Variants in CDH11 observed in about 807,000 individuals in gnomAD.
The protein encoded by CDH11 is cadherin-11.
In CDH11, 11 loss-of-function variants were observed where a neutral mutation model predicts 67.8. The observed-to-expected ratio is 0.16, with a 90% CI of 0.10 to 0.27. The LOEUF (loss-of-function observed/expected upper bound fraction) is 0.27, where lower values mean the gene tolerates loss of function less well. Among genes scored for constraint, CDH11 ranks in the 10% least tolerant of loss-of-function variants. The pLI is 1.00. For synonymous variants in CDH11, 419 were observed against 400.0 expected, an observed-to-expected ratio of 1.05 and a Z score of -0.57; for missense variants, 847 against 1,031.2, an observed-to-expected ratio of 0.82 and a Z score of 2.45.
At chr16:65,008,222 C>T (rs548236724) in intron 2 of CDH11, among the ~76,000 whole-genome samples, 1 of 152,316 alleles carries the variant, frequency 6.6e-6, no homozygotes, top group Admixed American at 6.5e-5. Context: ...TAGCTTAATA[C>T]TAATGAATTT....
intron 11 of CDH11, among the ~76,000 whole-genome samples, chr16:64,956,971 A>G (rs1240154318): frequency 1.3e-5 from 2 of 152,118 alleles, no homozygotes; most frequent in African/African-American, 4.8e-5. Context: ...TGCATTAGCC[A>G]AAAAAATAAA....
At chr16:64,970,326 T>A (rs147291722) in intron 11 of CDH11, among the ~76,000 whole-genome samples, 44 of 152,236 alleles carry the variant, frequency 2.9e-4, no homozygotes, top group African/African-American at 1.0e-3. Flanking sequence ...CCAAGCAGCA[T>A]GGGGAGCGCC....
chr16:64,945,534 T>C lies in CDH11; in HGVS notation c.*2069A>G, dbSNP rs957987104. On this transcript the variant is annotated 3_prime_UTR_variant, in exon 13 of 13. Transcript: ENST00000268603. ...AGTTATTTCTTCATTGCAAATTCAA[T>C]TGGAGATCTGTGCAAATCTAGCAAA... The C allele has an allele frequency of 1.9e-6, 2 of 1,032,110 alleles. No homozygotes were observed. The highest frequency in any genetic ancestry group is 4.6e-5 in the South Asian group (1 of 21,702). The allele number at this position is 1,032,110 out of a possible 1,614,324, so 63.9% of individuals were successfully genotyped here. A position where few individuals can be genotyped will look rare whatever the true frequency, so the allele number is the denominator to read the frequency against.
rs71143552 is a variant in CDH11 at position 65,111,674 on chromosome 16, AACACACACACAC to A, written c.-298+10194_-298+10205del. Among the ~76,000 whole-genome samples the A allele has an allele frequency of 7.5e-3, 1,050 of 140,726 alleles. 14 individuals carry two copies. Among genetic ancestry groups the A allele is most frequent in the African/African-American group, 0.026 (986 of 37,492 alleles). The allele number at this position is 140,726 out of a possible 152,430, so 92.3% of individuals were successfully genotyped here. ...GTCCTTTCCTCTGAGGAAAGCTAGA[AACACACACACAC>A]ACACACACACACACACACACACACA... On this transcript the variant is annotated intron_variant, in intron 1 of 12. Transcript: ENST00000268603.
At chr16:64,989,501 G>T (rs1363423300) in intron 6 of CDH11, among the ~76,000 whole-genome samples, 2 of 152,108 alleles carry the variant, frequency 1.3e-5, no homozygotes, top group African/African-American at 4.8e-5. Flanking sequence ...ATATCTGCAG[G>T]ATAAAAACTA....
chr16:65,118,926 T>C (rs1467980623), intron 1 of CDH11: 2 of 152,208 alleles, frequency 1.3e-5, no homozygotes, highest in African/African-American at 4.8e-5. Flanking sequence ...AAAATCAGAT[T>C]TGAAGATCTT....
chr16:65,092,404 G>T (rs893140069), intron 1 of CDH11, among the ~76,000 whole-genome samples: 1 of 152,162 alleles, frequency 6.6e-6, no homozygotes, highest in Non-Finnish European at 1.5e-5. Context: ...ACAGAAAGAT[G>T]ACCTCAATCC....
At chr16:65,102,619 T>C (rs1174287481) in intron 1 of CDH11, among the ~76,000 whole-genome samples, 1 of 152,236 alleles carries the variant, frequency 6.6e-6, no homozygotes, top group Non-Finnish European at 1.5e-5. Flanking sequence ...TGGAAACATA[T>C]GCTCTTGAGA....
chr16:65,034,006 C>A (rs1157504009), intron 2 of CDH11, among the ~76,000 whole-genome samples: 4 of 152,090 alleles, frequency 2.6e-5, no homozygotes, highest in Non-Finnish European at 4.4e-5. Flanking sequence ...TATTATGGAA[C>A]AGTATTACGG....
intron 1 of CDH11, among the ~76,000 whole-genome samples, chr16:65,096,167 T>C (rs780932803): frequency 1.3e-5 from 2 of 152,190 alleles, no homozygotes; most frequent in African/African-American, 2.4e-5. Flanking sequence ...CATACGTCCA[T>C]GTAGCTACAA....
At chr16:65,050,714 G>A (rs956166579) in intron 2 of CDH11, among the ~76,000 whole-genome samples, 1 of 151,692 alleles carries the variant, frequency 6.6e-6, no homozygotes, top group Non-Finnish European at 1.5e-5. Context: ...CATGCCACCA[G>A]CCTTGGAGTA....
chr16:65,015,711 A>G (rs1441586448), intron 2 of CDH11, among the ~76,000 whole-genome samples: 4 of 152,154 alleles, frequency 2.6e-5, no homozygotes, highest in Admixed American at 6.5e-5. Flanking sequence ...TAAGAATAAC[A>G]ATCTGCATAT....
chr16:64,995,901 T>TA (rs1567516352), intron 4 of CDH11, among the ~76,000 whole-genome samples: 1 of 151,672 alleles, frequency 6.6e-6, no homozygotes, highest in South Asian at 2.1e-4. Context: ...ATTCAACAAG[T>TA]AAAAAAACAA....
chr16:65,050,109 A>T (rs1312792359), intron 2 of CDH11, among the ~76,000 whole-genome samples: 1 of 152,112 alleles, frequency 6.6e-6, no homozygotes, highest in Non-Finnish European at 1.5e-5. Flanking sequence ...CTCTTGAGCA[A>T]AGGGCAAATC....
chr16:64,957,038 C>T (rs1467910034), intron 11 of CDH11, among the ~76,000 whole-genome samples: 1 of 152,072 alleles, frequency 6.6e-6, no homozygotes, highest in East Asian at 1.9e-4. Context: ...GGACCAGCTC[C>T]TGCATATTGA....
At chr16:65,010,407 T>C (rs1219978540) in intron 2 of CDH11, among the ~76,000 whole-genome samples, 1 of 152,180 alleles carries the variant, frequency 6.6e-6, no homozygotes, top group Non-Finnish European at 1.5e-5. Context: ...AATTATGCCA[T>C]GTCTGTGGAA....
chr16:64,958,451 G>A (rs1348591410), intron 11 of CDH11, among the ~76,000 whole-genome samples: 2 of 152,044 alleles, frequency 1.3e-5, no homozygotes, highest in South Asian at 4.1e-4. Context: ...AACATTGATT[G>A]AACTGCTAAT....
At chr16:65,026,689 A>T (rs978788058) in intron 2 of CDH11, among the ~76,000 whole-genome samples, 1 of 152,092 alleles carries the variant, frequency 6.6e-6, no homozygotes, top group East Asian at 1.9e-4. Context: ...GGTTCCTTTC[A>T]TACTTCCTTA....
In CDH11 at chr16:64,946,291, T is replaced by C. The variant is rs1360675056; in HGVS notation, c.*1312A>G. The C allele has an allele frequency of 1.9e-6, 2 of 1,045,502 alleles. No individual in the cohort carries two copies. Among genetic ancestry groups the C allele is most frequent in the Non-Finnish European group, 2.3e-6 (2 of 866,844 alleles). The allele number at this position is 1,045,502 out of a possible 1,614,324, so 64.8% of individuals were successfully genotyped here. A position where few individuals can be genotyped will look rare whatever the true frequency, so the allele number is the denominator to read the frequency against. ...CTGGTAAGTTCAACAGAAGAAAAAA[T>C]AGAATAACATTAGAGTCTGGGCAAA... On this transcript the variant is annotated 3_prime_UTR_variant, in exon 13 of 13. Transcript: ENST00000268603.
Sources: allele counts gnomAD v4.1 joint callset (sites outside exome capture counted in the v4.1 genomes callset), GRCh38; gene constraint gnomAD v4.1.1; transcripts MANE v1.5; gene names NCBI Gene and HGNC (gene_info 2026-07-23, HGNC 2026-07-21).